Variants in SNTB1 observed in about 807,000 individuals in gnomAD.
The protein encoded by SNTB1 is beta-1-syntrophin.
In SNTB1, 36 loss-of-function variants were observed where a neutral mutation model predicts 48.9. That is an observed-to-expected ratio of 0.74 (90% CI 0.56 to 0.97). SNTB1 has a LOEUF of 0.97. Ranked by LOEUF, SNTB1 falls within the 50% of genes least tolerant of loss-of-function variation. SNTB1 has a pLI of 0.00. For synonymous variants in SNTB1, 299 were observed against 294.6 expected, an observed-to-expected ratio of 1.01 and a Z score of -0.15; for missense variants, 786 against 703.4, an observed-to-expected ratio of 1.12 and a Z score of -1.33.
chr8:120,712,897 A>C (rs1254484136), intron 1 of SNTB1, among the ~76,000 whole-genome samples: 1 of 152,182 alleles, frequency 6.6e-6, no homozygotes, highest in African/African-American at 2.4e-5. Context: ...TTTATGATCC[A>C]GCCCTAGCAT....
At chr8:120,771,725 A>G (rs1211159823) in intron 1 of SNTB1, among the ~76,000 whole-genome samples, 2 of 151,924 alleles carry the variant, frequency 1.3e-5, no homozygotes, top group Non-Finnish European at 2.9e-5. Flanking sequence ...GAGAGCTTTA[A>G]TTTACATCAA....
chr8:120,685,275 C>T (rs952251067), intron 2 of SNTB1, among the ~76,000 whole-genome samples: 4 of 152,226 alleles, frequency 2.6e-5, no homozygotes, highest in Non-Finnish European at 5.9e-5. Context: ...GGACATTGCC[C>T]TAGTGGGGGT....
At chr8:120,742,221 T>G (rs888104413) in intron 1 of SNTB1, among the ~76,000 whole-genome samples, 1 of 152,200 alleles carries the variant, frequency 6.6e-6, no homozygotes, top group Non-Finnish European at 1.5e-5. Context: ...TTATGGCCCC[T>G]GGCTTAAGTA....
At chr8:120,727,762 T>G (rs1039596267) in intron 1 of SNTB1, among the ~76,000 whole-genome samples, 1 of 152,134 alleles carries the variant, frequency 6.6e-6, no homozygotes, top group African/African-American at 2.4e-5. Context: ...CTATGAGAAT[T>G]TTCAGTTCAT....
At chr8:120,584,438 CAAAA>C (rs11443743) in intron 3 of SNTB1, among the ~76,000 whole-genome samples, 2 of 57,072 alleles carry the variant, frequency 3.5e-5, no homozygotes, top group Non-Finnish European at 5.7e-5. Context: ...AACTCCATCT[CAAAA>C]AAAAAAAAAA....
chr8:120,539,070 T>C, intron 6 of SNTB1, 101 bp from the exon 7 acceptor site: 2 of 818,436 alleles, frequency 2.4e-6, no homozygotes, highest in East Asian at 5.4e-5. Context: ...TTCCTTCTTT[T>C]AAATGTTGAC....
chr8:120,620,171 A>G (rs915803605), intron 3 of SNTB1, among the ~76,000 whole-genome samples: 3 of 152,182 alleles, frequency 2.0e-5, no homozygotes, highest in African/African-American at 7.2e-5. Flanking sequence ...AAAATACTCC[A>G]AAAGTAACTG....
chr8:120,771,365 T>G (rs1328456967), intron 1 of SNTB1, among the ~76,000 whole-genome samples: 2 of 152,158 alleles, frequency 1.3e-5, no homozygotes, highest in Admixed American at 6.5e-5. Context: ...AAATAATTAT[T>G]CTGAAGAAAA....
chr8:120,672,861 T>G (rs1040745293), intron 2 of SNTB1, among the ~76,000 whole-genome samples: 4 of 152,186 alleles, frequency 2.6e-5, no homozygotes, highest in African/African-American at 7.2e-5. Context: ...GGGGGATGAT[T>G]CCCTGAGGCT....
intron 2 of SNTB1, among the ~76,000 whole-genome samples, chr8:120,693,429 G>A (rs1220504247): frequency 6.6e-6 from 1 of 152,214 alleles, no homozygotes; most frequent in East Asian, 1.9e-4. Flanking sequence ...GACTGGTAAT[G>A]AGCCCTAAAG....
Position 120,811,800 on chromosome 8 carries a change from G to T in SNTB1, c.44C>A (p.Ala15Glu). ...AAAAAAGPAGAGGGRAQRSGL... is the reference protein window; with the variant it reads ...AAAAAAGPAGEGGGRAQRSGL... ...GCTCCGCTGCGCCCGGCCGCCTCCC[G>T]CGCCAGCCGGCCCAGCCGCCGCCGC... is the stretch of plus-strand genomic sequence containing the variant. Residue 15 changes from alanine to glutamate, a missense_variant, in exon 1 of 7, where the codon GCG becomes GAG. Physicochemically the swap from Ala to Glu is moderately radical, Grantham distance 107. Transcript: ENST00000517992. The T allele has an allele frequency of 1.4e-6, 2 of 1,405,746 alleles. No homozygotes were observed. Among genetic ancestry groups the T allele is most frequent in the South Asian group, 3.5e-5 (2 of 57,840 alleles). The allele number at this position is 1,405,746 out of a possible 1,614,324, so 87.1% of individuals were successfully genotyped here.
At chr8:120,736,752 G>T (rs1452820769) in intron 1 of SNTB1, among the ~76,000 whole-genome samples, 1 of 152,146 alleles carries the variant, frequency 6.6e-6, no homozygotes, top group Non-Finnish European at 1.5e-5. Flanking sequence ...GAAACAGGAA[G>T]CTGGAGGAAA....
intron 4 of SNTB1, among the ~76,000 whole-genome samples, chr8:120,574,775 C>G (rs1316692411): frequency 6.6e-6 from 1 of 152,120 alleles, no homozygotes; most frequent in African/African-American, 2.4e-5. Context: ...AGACTATAAA[C>G]ACATATGTCC....
Position 120,642,236 on chromosome 8 carries a change from A to G in SNTB1, c.789-9585T>C, listed in dbSNP as rs145128373. 3.0e-4 allele frequency among the ~76,000 whole-genome samples: 45 copies of G among 152,378 alleles called. 1 individual carries two copies. The highest frequency in any genetic ancestry group is 9.9e-4 in the African/African-American group (41 of 41,590). ...GCTTCCCCTGTCAGTTTTCAGAGAA[A>G]GAATACAAAAGACATAGAGCAGAGA... On this transcript the variant is annotated intron_variant, in intron 2 of 6. Coordinates refer to ENST00000517992, the MANE Select transcript of SNTB1 (RefSeq NM_021021.4).
chr8:120,638,762 C>T (rs1587052893), intron 2 of SNTB1, among the ~76,000 whole-genome samples: 1 of 152,160 alleles, frequency 6.6e-6, no homozygotes, highest in Non-Finnish European at 1.5e-5. Context: ...GCATAGTATT[C>T]CATGGTGTAT....
At chr8:120,690,287 G>A (rs1295008186) in intron 2 of SNTB1, among the ~76,000 whole-genome samples, 1 of 152,102 alleles carries the variant, frequency 6.6e-6, no homozygotes, top group Non-Finnish European at 1.5e-5. Context: ...GGCATCTATT[G>A]GGGGTCCTGT....
intron 2 of SNTB1, among the ~76,000 whole-genome samples, chr8:120,688,422 T>C (rs1238111090): frequency 6.6e-6 from 1 of 152,220 alleles, no homozygotes; most frequent in Non-Finnish European, 1.5e-5. Context: ...CAGATAAATA[T>C]ACTATTTATC....
intron 2 of SNTB1, among the ~76,000 whole-genome samples, chr8:120,671,218 T>A (rs1039066451): frequency 6.6e-6 from 1 of 152,172 alleles, no homozygotes; most frequent in Non-Finnish European, 1.5e-5. Context: ...TTTAGAGGAA[T>A]TTGAGAAGCA....
intron 2 of SNTB1, among the ~76,000 whole-genome samples, chr8:120,693,008 T>G (rs1192870246): frequency 1.3e-5 from 2 of 152,136 alleles, no homozygotes; most frequent in Non-Finnish European, 2.9e-5. Context: ...CTGCTTCTGA[T>G]GAGGGCTTCA....
Sources: allele counts gnomAD v4.1 joint callset (sites outside exome capture counted in the v4.1 genomes callset), GRCh38; gene constraint gnomAD v4.1.1; transcripts MANE v1.5; gene names NCBI Gene and HGNC (gene_info 2026-07-23, HGNC 2026-07-21).